The following CRPPA variants were observed in gnomAD, a reference collection of about 807,000 sequenced individuals.
The protein encoded by CRPPA is CDP-L-ribitol pyrophosphorylase A.
A neutral mutation model predicts 52.0 loss-of-function variants in CRPPA; 43 were observed. The ratio of observed to expected loss-of-function variants is 0.83; its 90% confidence interval spans 0.65 to 1.07. The LOEUF (loss-of-function observed/expected upper bound fraction) is 1.07. Ranked by LOEUF, CRPPA falls within the 50% of genes least tolerant of loss-of-function variation. The probability of loss-of-function intolerance (pLI) is 0.00; values close to 1 mark genes in which losing one functional copy is unlikely to be tolerated. For missense variants in CRPPA, 629 were observed against 551.7 expected, an observed-to-expected ratio of 1.14 and a Z score of -1.40; for synonymous variants, 250 against 203.5, an observed-to-expected ratio of 1.23 and a Z score of -1.94.
At chr7:16,365,806 C>G (rs561980553) in intron 3 of CRPPA, among the ~76,000 whole-genome samples, 3 of 152,056 alleles carry the variant, frequency 2.0e-5, no homozygotes, top group African/African-American at 4.8e-5. Context: ...AAAGACAACA[C>G]TGACAAACAG....
At chr7:16,369,086 A>C (rs182787076) in intron 3 of CRPPA, among the ~76,000 whole-genome samples, 2 of 152,290 alleles carry the variant, frequency 1.3e-5, no homozygotes, top group East Asian at 3.9e-4. Flanking sequence ...CCTGTGTAGC[A>C]GGAAGAGCCA....
chr7:16,174,183 G>A (rs1370240347), intron 9 of CRPPA, among the ~76,000 whole-genome samples: 4 of 152,160 alleles, frequency 2.6e-5, no homozygotes, highest in African/African-American at 9.7e-5. Context: ...CATGCTTTCA[G>A]TGCAAATAGG....
At chr7:16,362,299 A>G (rs1390114842) in intron 3 of CRPPA, among the ~76,000 whole-genome samples, 1 of 152,188 alleles carries the variant, frequency 6.6e-6, no homozygotes, top group Non-Finnish European at 1.5e-5. Flanking sequence ...AGCAGATTTG[A>G]TGTCTGGGGA....
At chr7:16,298,810 A>C (rs958290443) in intron 5 of CRPPA, among the ~76,000 whole-genome samples, 1 of 152,148 alleles carries the variant, frequency 6.6e-6, no homozygotes, top group Non-Finnish European at 1.5e-5. Context: ...CATCCAATCC[A>C]CTGAGGTCCT....
At chr7:16,307,593 T>C (rs904652295) in intron 4 of CRPPA, among the ~76,000 whole-genome samples, 2 of 145,090 alleles carry the variant, frequency 1.4e-5, no homozygotes, top group African/African-American at 5.3e-5. Flanking sequence ...GACAGGAGAA[T>C]TGCTTGAAAT....
intron 8 of CRPPA, among the ~76,000 whole-genome samples, chr7:16,228,101 T>A (rs939636192): frequency 6.6e-6 from 1 of 151,952 alleles, no homozygotes; most frequent in South Asian, 2.1e-4. Context: ...CTATGTGTAT[T>A]TATATACCAG....
chr7:16,221,570 A>T (rs1009671436), intron 8 of CRPPA, among the ~76,000 whole-genome samples: 1 of 152,188 alleles, frequency 6.6e-6, no homozygotes, highest in African/African-American at 2.4e-5. Context: ...AATATCCAGA[A>T]TCTACAATGA....
chr7:16,152,344 C>T (rs919592831), intron 9 of CRPPA, among the ~76,000 whole-genome samples: 3 of 151,674 alleles, frequency 2.0e-5, no homozygotes, highest in South Asian at 2.1e-4. Context: ...ATAAGATAAA[C>T]GACTTTATTT....
At chr7:16,381,101 C>A (rs77518113) in intron 2 of CRPPA, among the ~76,000 whole-genome samples, 1 of 151,878 alleles carries the variant, frequency 6.6e-6, no homozygotes, top group East Asian at 1.9e-4. Context: ...AATTTTGGAT[C>A]TTTCCTGCTT....
At chr7:16,254,788 A>AGAAG (rs758618819) in intron 8 of CRPPA, among the ~76,000 whole-genome samples, 2,114 of 118,044 alleles carry the variant, frequency 0.018, 35 homozygotes, top group East Asian at 0.046. Flanking sequence ...AAAGAAAGAA[A>AGAAG]GAAGGAAAGA....
chr7:16,128,877 A>G (rs10269890), intron 9 of CRPPA, among the ~76,000 whole-genome samples: 16,302 of 152,184 alleles, frequency 0.11, 1,233 homozygotes, highest in African/African-American at 0.2. Context: ...ATATAATAAC[A>G]GAAGCAAATG....
At chr7:16,239,132 TG>T (rs2128405535) in intron 8 of CRPPA, among the ~76,000 whole-genome samples, 1 of 25,256 alleles carries the variant, frequency 4.0e-5, no homozygotes, top group Non-Finnish European at 8.5e-5. Flanking sequence ...AGCAAGACTC[TG>T]TCTCAAAAAA....
intron 1 of CRPPA, among the ~76,000 whole-genome samples, chr7:16,412,431 G>C (rs1583590010): frequency 1.3e-5 from 2 of 152,242 alleles, no homozygotes; most frequent in South Asian, 4.1e-4. Context: ...CGTAATTCTT[G>C]TAACAGGTCA....
chr7:16,247,032 T>C (rs562084256), intron 8 of CRPPA, among the ~76,000 whole-genome samples: 2 of 152,362 alleles, frequency 1.3e-5, no homozygotes, highest in Non-Finnish European at 2.9e-5. Context: ...CTCATCTACA[T>C]TGAAAAATCT....
intron 3 of CRPPA, among the ~76,000 whole-genome samples, chr7:16,345,048 A>G (rs1218232353): frequency 6.6e-6 from 1 of 152,166 alleles, no homozygotes; most frequent in Non-Finnish European, 1.5e-5. Flanking sequence ...CCGCATATAA[A>G]TGCATAAAAA....
chr7:16,389,825 C>A (rs1787388051), intron 2 of CRPPA, among the ~76,000 whole-genome samples: 1 of 148,316 alleles, frequency 6.7e-6, no homozygotes, highest in Non-Finnish European at 1.5e-5. Flanking sequence ...ATTGCATGAT[C>A]CTGTATATAG....
chr7:16,285,395 C>G (rs961479497), intron 5 of CRPPA, among the ~76,000 whole-genome samples: 2 of 152,116 alleles, frequency 1.3e-5, no homozygotes, highest in Admixed American at 6.6e-5. Flanking sequence ...AGTTTTTACA[C>G]TATCCTATTT....
intron 8 of CRPPA, among the ~76,000 whole-genome samples, chr7:16,250,934 T>C (rs908861452): frequency 4.6e-5 from 7 of 151,926 alleles, no homozygotes; most frequent in Non-Finnish European, 8.8e-5. Flanking sequence ...GACTGGCAAA[T>C]TGGATAAACA....
chr7:16,130,623 T>C (rs900630834), intron 9 of CRPPA, among the ~76,000 whole-genome samples: 1 of 152,236 alleles, frequency 6.6e-6, no homozygotes, highest in Non-Finnish European at 1.5e-5. Flanking sequence ...GAATGTTCTC[T>C]TTTCCTTTTG....
Sources: allele counts gnomAD v4.1 joint callset (sites outside exome capture counted in the v4.1 genomes callset), GRCh38; gene constraint gnomAD v4.1.1; transcripts MANE v1.5; gene names NCBI Gene and HGNC (gene_info 2026-07-23, HGNC 2026-07-21).